MGAT4C: variants seen among roughly 807,000 people sequenced by gnomAD.
MGAT4C encodes alpha-1,3-mannosyl-glycoprotein 4-beta-N-acetylglucosaminyltransferase C.
In MGAT4C, 19 loss-of-function variants were observed where a neutral mutation model predicts 40.1. The ratio of observed to expected loss-of-function variants is 0.47; its 90% CI spans 0.33 to 0.70. MGAT4C has a LOEUF of 0.70. Among genes scored for constraint, MGAT4C ranks in the 30% least tolerant of loss-of-function variants. The pLI is 0.02. For synonymous variants in MGAT4C, 181 were observed against 187.1 expected (o/e 0.97, Z 0.27); for missense variants, 491 against 563.2 (o/e 0.87, Z 1.30).
At chr12:86,274,780 A>G (rs191391369) in intron 4 of MGAT4C, among the ~76,000 whole-genome samples, 1 of 152,342 alleles carries the variant, frequency 6.6e-6, no homozygotes, top group African/African-American at 2.4e-5. Flanking sequence ...TACTGGGGTC[A>G]GTTGTTTGCC....
chr12:86,587,664 G>A (rs1593016099), intron 2 of MGAT4C, among the ~76,000 whole-genome samples: 1 of 151,836 alleles, frequency 6.6e-6, no homozygotes, highest in African/African-American at 2.4e-5. Flanking sequence ...GGTCCTTCAT[G>A]TCCCTTGTAA....
At chr12:86,442,217 T>C (rs928699597) in intron 2 of MGAT4C, among the ~76,000 whole-genome samples, 2 of 152,226 alleles carry the variant, frequency 1.3e-5, no homozygotes, top group African/African-American at 4.8e-5. Context: ...TAAATTTCTG[T>C]GAGTTCTTTG....
intron 2 of MGAT4C, among the ~76,000 whole-genome samples, chr12:86,674,824 C>A (rs529961457): frequency 7.9e-5 from 12 of 152,170 alleles, no homozygotes; most frequent in African/African-American, 2.9e-4. Flanking sequence ...TAAATAGTAA[C>A]CACTTTTATT....
chr12:86,129,172 T>C (rs1431802371), intron 1 of MGAT4C, among the ~76,000 whole-genome samples: 1 of 145,822 alleles, frequency 6.9e-6, no homozygotes, highest in African/African-American at 2.6e-5. Flanking sequence ...CGGATTAACA[T>C]CCAAAGGACT....
At chr12:86,420,855 A>ATATATGTGTATATATATACATACATG (rs747057184) in intron 3 of MGAT4C, among the ~76,000 whole-genome samples, 2 of 149,364 alleles carry the variant, frequency 1.3e-5, no homozygotes, top group Admixed American at 6.7e-5. Context: ...GTATATACAT[A>ATATATGTGTATATATATACATACATG]TATATGTGTA....
At chr12:86,820,940 A>C (rs1020448638) in intron 1 of MGAT4C, among the ~76,000 whole-genome samples, 3 of 150,868 alleles carry the variant, frequency 2.0e-5, no homozygotes, top group African/African-American at 7.3e-5. Context: ...AACTAATGAG[A>C]GTATACAATG....
At chr12:86,157,139 A>C (rs914315260) in intron 1 of MGAT4C, among the ~76,000 whole-genome samples, 1 of 151,828 alleles carries the variant, frequency 6.6e-6, no homozygotes, top group Non-Finnish European at 1.5e-5. Context: ...ATGAAAAAAA[A>C]CAGTTTACAC....
intron 2 of MGAT4C, among the ~76,000 whole-genome samples, chr12:86,686,288 GAC>G (rs1950071177): frequency 6.6e-6 from 1 of 152,048 alleles, no homozygotes; most frequent in African/African-American, 2.4e-5. Context: ...TGCAAACAGA[GAC>G]AGTTTAACTT....
chr12:86,622,796 C>T (rs139800320), intron 2 of MGAT4C, among the ~76,000 whole-genome samples: 2,984 of 151,528 alleles, frequency 0.02, 44 homozygotes, highest in Middle Eastern at 0.041. Flanking sequence ...GCAACTATAA[C>T]GAGAAGAAAA....
chr12:86,200,160 GT>G (rs1279866658), intron 1 of MGAT4C, among the ~76,000 whole-genome samples: 3 of 61,800 alleles, frequency 4.9e-5, no homozygotes, highest in East Asian at 5.9e-4. Context: ...TCTGGCTTTT[GT>G]TTTTTTTTGG....
chr12:86,363,531 C>G (rs1333860798), intron 3 of MGAT4C, among the ~76,000 whole-genome samples: 1 of 151,706 alleles, frequency 6.6e-6, no homozygotes. Flanking sequence ...AAATCAGTAA[C>G]TTAAGCTTTC....
At chr12:86,294,924 A>T (rs1953623128) in intron 4 of MGAT4C, among the ~76,000 whole-genome samples, 1 of 152,144 alleles carries the variant, frequency 6.6e-6, no homozygotes. Flanking sequence ...GTCTTTGTTC[A>T]CTTCTGCCCC....
At chr12:86,698,359 G>C (rs1430742804) in intron 2 of MGAT4C, among the ~76,000 whole-genome samples, 1 of 151,968 alleles carries the variant, frequency 6.6e-6, no homozygotes, top group African/African-American at 2.4e-5. Context: ...GTGTATGTGT[G>C]TTTGTGTGTG....
intron 2 of MGAT4C, among the ~76,000 whole-genome samples, chr12:85,996,664 C>T (rs930673605): frequency 6.6e-6 from 1 of 151,816 alleles, no homozygotes; most frequent in Non-Finnish European, 1.5e-5. Context: ...ACAAAGCAAA[C>T]ATTTAGTAAT....
chr12:86,473,198 C>T (rs530075803), intron 2 of MGAT4C, among the ~76,000 whole-genome samples: 8 of 152,132 alleles, frequency 5.3e-5, no homozygotes, highest in Non-Finnish European at 1.0e-4. Flanking sequence ...CTCAAGTGAT[C>T]TGCCTGCCTC....
At chr12:86,343,613 T>G (rs1196844631) in intron 3 of MGAT4C, among the ~76,000 whole-genome samples, 1 of 152,156 alleles carries the variant, frequency 6.6e-6, no homozygotes, top group African/African-American at 2.4e-5. Context: ...AGAAATGCAT[T>G]GTGTAAAACC....
intron 1 of MGAT4C, among the ~76,000 whole-genome samples, chr12:86,106,182 T>C (rs543218559): frequency 6.6e-6 from 1 of 152,290 alleles, no homozygotes; most frequent in South Asian, 2.1e-4. Context: ...GCTAATAGGT[T>C]AGTTTTTATC....
At chr12:86,818,206 G>A (rs1337040336) in intron 1 of MGAT4C, among the ~76,000 whole-genome samples, 3 of 151,102 alleles carry the variant, frequency 2.0e-5, no homozygotes, top group African/African-American at 4.8e-5. Flanking sequence ...CAAAACATAA[G>A]AGAATTAGCA....
chr12:85,978,039 T>C lies in MGAT4C; in HGVS notation c.*1250A>G, dbSNP rs1005206716. ...TAACGGACACATTGTAAAGACACAC[T>C]CTCCAATCCCTATTAGGAAAAGTTT... On this transcript the variant is annotated 3_prime_UTR_variant, in exon 5 of 5. Coordinates refer to ENST00000611864, the MANE Select transcript of MGAT4C (RefSeq NM_001351288.2). 10 of 151,466 alleles carry C rather than the reference T, an allele frequency of 6.6e-5. No homozygotes were observed. Among genetic ancestry groups the C allele is most frequent in the African/African-American group, 2.4e-4 (10 of 41,348 alleles). The allele number at this position is 151,466 out of a possible 1,614,324, so 9.4% of individuals were successfully genotyped here.
Sources: gnomAD v4.1 joint callset for allele counts (sites outside exome capture counted in the v4.1 genomes callset) on GRCh38, gnomAD v4.1.1 for gene constraint, MANE v1.5 for transcripts, NCBI Gene and HGNC (gene_info 2026-07-23, HGNC 2026-07-21) for gene names.